OPRK1: variants seen among roughly 807,000 people sequenced by gnomAD.
OPRK1 encodes the protein kappa-type opioid receptor.
In OPRK1, 15 loss-of-function variants were observed where a neutral mutation model predicts 24.5. The observed-to-expected ratio is 0.61, with a 90% CI of 0.41 to 0.94. OPRK1 has a LOEUF of 0.94. Among genes scored for constraint, OPRK1 ranks in the 40% least tolerant of loss-of-function variants. The probability of loss-of-function intolerance (pLI) is 0.00; values close to 1 mark genes in which losing one functional copy is unlikely to be tolerated. For missense variants in OPRK1, 479 were observed against 507.3 expected, an observed-to-expected ratio of 0.94 and a Z score of 0.54; for synonymous variants, 205 against 198.0, an observed-to-expected ratio of 1.04 and a Z score of -0.30.
chr8:53,238,332 G>C (rs1413443887), intron 2 of OPRK1, among the ~76,000 whole-genome samples: 1 of 152,236 alleles, frequency 6.6e-6, no homozygotes, highest in East Asian at 1.9e-4. Flanking sequence ...TGGCTTGTGT[G>C]GAGGAGCTGG....
intron 2 of OPRK1, among the ~76,000 whole-genome samples, chr8:53,244,056 T>C (rs1248419570): frequency 6.6e-6 from 1 of 152,132 alleles, no homozygotes; most frequent in African/African-American, 2.4e-5. Flanking sequence ...AAGAAGAAAC[T>C]TGGGAGAGAA....
In OPRK1 at chr8:53,228,679, G is replaced by C. The variant is rs145304797; in HGVS notation, c.*618C>G. ...CCATGTTAAAAACAATCTTTTGAAC[G>C]TTTAAATAATTTCATAAATAGCAAG... On this transcript the variant is annotated 3_prime_UTR_variant, in exon 4 of 4. Transcript: ENST00000265572. 1 of 152,136 alleles carries C rather than the reference G, an allele frequency of 6.6e-6. No individual in the cohort carries two copies. Among genetic ancestry groups the C allele is most frequent in the South Asian group, 2.1e-4 (1 of 4,824 alleles). The allele number at this position is 152,136 out of a possible 1,614,324, so 9.4% of individuals were successfully genotyped here.
At position 53,251,006 on chromosome 8, in the gene OPRK1, TC is replaced by T; in HGVS notation, c.31del (p.Glu11SerfsTer58). MDSPIQIFRGEPGPTCAPSAC... is the reference protein window; with the variant it reads MDSPIQIFRGXPGPTCAPSAC... ...GCTCGGGGCGCAGGTAGGGCCCGGCTCCCCGCGGAAGATCTGGATCGGGGAG... is the reference window on the plus strand; with the variant it reads ...GCTCGGGGCGCAGGTAGGGCCCGGCTCCCGCGGAAGATCTGGATCGGGGAG... On this transcript the variant is annotated frameshift_variant, in exon 2 of 4. Transcript: ENST00000265572. LOFTEE classifies it high-confidence loss of function. 6.4e-7 allele frequency: 1 copy of T among 1,573,368 alleles called. No individual in the cohort carries two copies. Among genetic ancestry groups the T allele is most frequent in the Non-Finnish European group, 8.6e-7 (1 of 1,162,760 alleles).
chr8:53,232,684 T>G (rs558813654), intron 3 of OPRK1, among the ~76,000 whole-genome samples: 1 of 152,212 alleles, frequency 6.6e-6, no homozygotes, highest in Non-Finnish European at 1.5e-5. Context: ...CTTTATATAT[T>G]AATATCAGAG....
intron 2 of OPRK1, among the ~76,000 whole-genome samples, chr8:53,240,556 A>G (rs1807090680): frequency 6.6e-6 from 1 of 152,072 alleles, no homozygotes; most frequent in Admixed American, 6.5e-5. Context: ...TTCACAAATG[A>G]TGGAAGATGA....
chr8:53,240,981 C>A (rs562357270), intron 2 of OPRK1, among the ~76,000 whole-genome samples: 86 of 152,126 alleles, frequency 5.7e-4, no homozygotes, highest in African/African-American at 2.0e-3. Context: ...GTCAATTATG[C>A]CTCACCAAAG....
Position 53,251,405 on chromosome 8 carries a change from C to G in OPRK1, c.-49+43G>C, listed in dbSNP as rs202211576. ...CAAGCCCCCTTCCCACCTCCCAGCACGGAGCTCTACCTAGAACTGCACCTC... is the reference window on the plus strand; with the variant it reads ...CAAGCCCCCTTCCCACCTCCCAGCAGGGAGCTCTACCTAGAACTGCACCTC... On this transcript the variant is annotated intron_variant, in intron 1 of 3. Transcript: ENST00000265572. 2.6e-5 allele frequency: 8 copies of G among 310,448 alleles called. No homozygotes were observed. The South Asian group carries it at 4.2e-4, about 16-fold the overall frequency. The allele number at this position is 310,448 out of a possible 1,614,324, so 19.2% of individuals were successfully genotyped here.
At chr8:53,243,621 G>C (rs1807164906) in intron 2 of OPRK1, among the ~76,000 whole-genome samples, 1 of 152,114 alleles carries the variant, frequency 6.6e-6, no homozygotes, top group African/African-American at 2.4e-5. Flanking sequence ...ACATCCCTCA[G>C]GGGAGAAAAT....
intron 3 of OPRK1, 125 bp from the exon 4 acceptor site, chr8:53,229,954 T>C (rs1254617086): frequency 1.2e-6 from 1 of 850,832 alleles, no homozygotes; most frequent in Non-Finnish European, 1.8e-6. Flanking sequence ...TAAGATGACA[T>C]TACCTGAAGT....
chr8:53,231,517 G>A (rs921493159), intron 3 of OPRK1, among the ~76,000 whole-genome samples: 8 of 151,976 alleles, frequency 5.3e-5, no homozygotes, highest in African/African-American at 1.5e-4. Context: ...TCCTCTCCTC[G>A]GTAACTTACA....
Position 53,229,694 on chromosome 8 carries a change from A to T in OPRK1, c.746T>A (p.Met249Lys). The stretch of plus-strand genomic sequence containing the variant: ...CCGGACGCTCTTGAGACGCAGGATC[A>T]TCAGGGTGTAGCAGACGATGATGAT... The part of the protein sequence containing the change: ...VLIIIVCYTL[M>K]ILRLKSVRLL... The change falls in exon 4 of 4, where the codon ATG becomes AAG. Residue 249 changes from methionine (M) to lysine (K), a missense_variant. Physicochemically the swap from Met to Lys is moderately conservative, Grantham distance 95 (BLOSUM62 -1). Coordinates refer to ENST00000265572, the MANE Select transcript of OPRK1 (RefSeq NM_000912.5). 6.2e-7 allele frequency: 1 copy of T among 1,614,214 alleles called. No homozygotes were observed. Among genetic ancestry groups the T allele is most frequent in the East Asian group, 2.2e-5 (1 of 44,884 alleles).
rs367684070 is a variant in OPRK1, at chr8:53,226,629, T to C, written c.*2668A>G. ...GCCTGGAACAATGAATAAATGGCAA[T>C]GTGGTCCCTGCTTCACAGCAGGACA... On this transcript the variant is annotated 3_prime_UTR_variant, in exon 4 of 4. Transcript: ENST00000265572. 2.6e-5 allele frequency: 4 copies of C among 152,268 alleles called. No individual in the cohort carries two copies. The highest frequency in any genetic ancestry group is 2.6e-4 in the Admixed American group (4 of 15,292). 9.4% of individuals were successfully genotyped at this position (152,268 alleles called of 1,614,324 possible).
At chr8:53,237,208 T>G (rs557574058) in intron 2 of OPRK1, among the ~76,000 whole-genome samples, 117 of 152,284 alleles carry the variant, frequency 7.7e-4, no homozygotes, top group Middle Eastern at 3.4e-3. Context: ...ACATCCATGG[T>G]CATATTTACC....
rs1290975594 is a variant in OPRK1, at chr8:53,229,190, T to A, written c.*107A>T. 13 of 1,353,408 alleles carry A rather than the reference T, an allele frequency of 9.6e-6. No homozygotes were observed. Among genetic ancestry groups the A allele is most frequent in the Non-Finnish European group, 1.3e-5 (13 of 997,302 alleles). 83.8% of individuals were successfully genotyped at this position (1,353,408 alleles called of 1,614,324 possible). A position where few individuals can be genotyped will look rare whatever the true frequency, so the allele number is the denominator to read the frequency against. On this transcript the variant is annotated 3_prime_UTR_variant, in exon 4 of 4. Transcript: ENST00000265572. ...ACCATGAGATCTCTAAAAGTTTATT[T>A]TAAATTCTATCTTTTCATGTCAGAC...
At position 53,251,253 on chromosome 8, in the gene OPRK1, C is replaced by T. The variant is rs918902966; in HGVS notation, c.-48-168G>A. 7.0e-6 allele frequency: 5 copies of T among 711,120 alleles called. No homozygotes were observed. In the African/African-American group the frequency reaches 7.6e-5, roughly 11 times the overall value. 44.1% of individuals were successfully genotyped at this position (711,120 alleles called of 1,614,324 possible). On this transcript the variant is annotated intron_variant, in intron 1 of 3. Transcript: ENST00000265572. Reference sequence around the variant, plus strand: ...CTGCCTTTCCGGCCAGCAGGCGCGCCGCTGGGTGCCAGAGAGGGGCGAAGA... The same window carrying T: ...CTGCCTTTCCGGCCAGCAGGCGCGCTGCTGGGTGCCAGAGAGGGGCGAAGA...
chr8:53,234,182 C>CAAAAAAAAAAAAAGAAAA (rs1806927288), intron 3 of OPRK1, among the ~76,000 whole-genome samples: 1 of 65,374 alleles, frequency 1.5e-5, no homozygotes, highest in Non-Finnish European at 2.6e-5. Context: ...GACTCTCTCT[C>CAAAAAAAAAAAAAGAAAA]AAAAAAAAAA....
In OPRK1 at chr8:53,225,820, T is replaced by C. The variant is rs996225484; in HGVS notation, c.*3477A>G. The C allele has an allele frequency of 1.3e-5, 2 of 152,652 alleles. No homozygotes were observed. The highest frequency in any genetic ancestry group is 2.9e-5 in the Non-Finnish European group (2 of 68,038). The allele number at this position is 152,652 out of a possible 1,614,324, so 9.5% of individuals were successfully genotyped here. A position where few individuals can be genotyped will look rare whatever the true frequency, so the allele number is the denominator to read the frequency against. ...CTTTTAAAGTACAAGATAAAAATCA[T>C]ATACATTATAGTAAAGAACATATGA... On this transcript the variant is annotated 3_prime_UTR_variant, in exon 4 of 4. Coordinates refer to ENST00000265572, the MANE Select transcript of OPRK1 (RefSeq NM_000912.5).
intron 3 of OPRK1, 48 bp downstream of exon 3, chr8:53,234,711 T>C (rs1446723294): frequency 6.6e-7 from 1 of 1,506,592 alleles, no homozygotes; most frequent in East Asian, 2.3e-5. Context: ...AAAGTCTATG[T>C]AATTTGAAGC....
At position 53,229,714 on chromosome 8, in the gene OPRK1, G is replaced by C. The variant is rs1401557285; in HGVS notation, c.726C>G (p.Ile242Met). ...GGATCATCAGGGTGTAGCAGACGATGATGATGAGGACAGGGATCACGAAGG... is the reference window on the plus strand; with the variant it reads ...GGATCATCAGGGTGTAGCAGACGATCATGATGAGGACAGGGATCACGAAGG... ...IFAFVIPVLI[I>M]IVCYTLMILR... The change falls in exon 4 of 4, where the codon ATC becomes ATG. Residue 242 changes from isoleucine (I) to methionine (M), a missense_variant. Transcript: ENST00000265572. 6.2e-7 allele frequency: 1 copy of C among 1,614,046 alleles called. No homozygotes were observed. The highest frequency in any genetic ancestry group is 1.3e-5 in the African/African-American group (1 of 74,916).
Sources: allele counts gnomAD v4.1 joint callset (sites outside exome capture counted in the v4.1 genomes callset), GRCh38; gene constraint gnomAD v4.1.1; transcripts MANE v1.5; gene names NCBI Gene and HGNC (gene_info 2026-07-23, HGNC 2026-07-21).